The following NT5DC1 variants were observed in gnomAD, a reference collection of about 807,000 sequenced individuals.
NT5DC1 encodes the protein 5'-nucleotidase domain containing 1.
In NT5DC1, 42 loss-of-function variants were observed where a neutral mutation model predicts 59.4. The ratio of observed to expected loss-of-function variants is 0.71; its 90% CI spans 0.55 to 0.92. NT5DC1 has a LOEUF of 0.92. Among genes scored for constraint, NT5DC1 ranks in the 40% least tolerant of loss-of-function variants. The probability of loss-of-function intolerance (pLI) is 0.00; values close to 1 mark genes in which losing one functional copy is unlikely to be tolerated. For synonymous variants in NT5DC1, 172 were observed against 188.1 expected (o/e 0.91, Z 0.70); for missense variants, 501 against 537.1 (o/e 0.93, Z 0.66).
At chr6:116,125,307 G>A (rs749633212) in intron 6 of NT5DC1, 1 of 1,607,246 alleles carries the variant, frequency 6.2e-7, no homozygotes, top group Non-Finnish European at 8.5e-7. Context: ...CAAGCAACTT[G>A]TTAATAGAAC....
intron 6 of NT5DC1, among the ~76,000 whole-genome samples, chr6:116,207,561 A>G (rs1781483124): frequency 6.6e-6 from 1 of 151,918 alleles, no homozygotes; most frequent in Non-Finnish European, 1.5e-5. Flanking sequence ...ATTGTATTTT[A>G]TTATGATTAT....
intron 1 of NT5DC1, among the ~76,000 whole-genome samples, chr6:116,101,324 G>T (rs550980056): frequency 6.6e-6 from 1 of 152,148 alleles, no homozygotes; most frequent in African/African-American, 2.4e-5. Flanking sequence ...TTCTAGGGCC[G>T]AGGAGGGGCG....
intron 6 of NT5DC1, among the ~76,000 whole-genome samples, chr6:116,126,417 G>T (rs959745505): frequency 1.3e-5 from 2 of 152,016 alleles, no homozygotes; most frequent in African/African-American, 4.8e-5. Flanking sequence ...GTTCACGGTG[G>T]AATGATGATA....
At chr6:116,151,113 A>G (rs1780026992) in intron 6 of NT5DC1, among the ~76,000 whole-genome samples, 1 of 152,034 alleles carries the variant, frequency 6.6e-6, no homozygotes, top group African/African-American at 2.4e-5. Context: ...TGCAGCTCCT[A>G]ATTGCAATTT....
chr6:116,127,793 G>A (rs1188181153), intron 6 of NT5DC1, among the ~76,000 whole-genome samples: 1 of 152,124 alleles, frequency 6.6e-6, no homozygotes, highest in East Asian at 1.9e-4. Context: ...CTGATACCCT[G>A]TTAGTTATCA....
At chr6:116,176,316 C>T (rs1780733560) in intron 6 of NT5DC1, among the ~76,000 whole-genome samples, 1 of 152,152 alleles carries the variant, frequency 6.6e-6, no homozygotes. Context: ...TTGCTCTTCC[C>T]CTAGCAGAAG....
intron 8 of NT5DC1, among the ~76,000 whole-genome samples, chr6:116,230,802 A>G (rs1449624273): frequency 6.6e-6 from 1 of 152,170 alleles, no homozygotes; most frequent in Non-Finnish European, 1.5e-5. Flanking sequence ...TGTCTGCTGA[A>G]CTTTGTCAGC....
At chr6:116,109,453 A>G (rs148385401) in intron 3 of NT5DC1, among the ~76,000 whole-genome samples, 6 of 152,332 alleles carry the variant, frequency 3.9e-5, no homozygotes, top group African/African-American at 1.4e-4. Flanking sequence ...GTTCTTGGCT[A>G]TCTTCAACCA....
chr6:116,159,350 G>A (rs1780277379), intron 6 of NT5DC1, among the ~76,000 whole-genome samples: 1 of 152,088 alleles, frequency 6.6e-6, no homozygotes, highest in African/African-American at 2.4e-5. Context: ...CATTATTTCT[G>A]TTTTTTAATT....
At chr6:116,118,417 A>G (rs1201962786) in intron 6 of NT5DC1, among the ~76,000 whole-genome samples, 1 of 152,178 alleles carries the variant, frequency 6.6e-6, no homozygotes, top group Non-Finnish European at 1.5e-5. Context: ...TTCCAATCAC[A>G]GCTTTGCTTG....
intron 6 of NT5DC1, among the ~76,000 whole-genome samples, chr6:116,209,580 A>G (rs978574368): frequency 6.6e-6 from 1 of 152,022 alleles, no homozygotes; most frequent in African/African-American, 2.4e-5. Flanking sequence ...AGGGCTCCTC[A>G]TAGAAGGTAA....
Position 116,153,141 on chromosome 6 carries a change from A to AT in NT5DC1, c.529+35197dup, listed in dbSNP as rs1055744581. On this transcript the variant is annotated intron_variant, in intron 6 of 11. Coordinates refer to ENST00000319550, the MANE Select transcript of NT5DC1 (RefSeq NM_152729.3). ...TACACAAATATATGTATATACATAC[A>AT]TATTCACACATACTACAAATATACA... Among the ~76,000 whole-genome samples the AT allele has an allele frequency of 2.3e-3, 345 of 152,092 alleles. 2 individuals carry two copies. Among genetic ancestry groups the AT allele is most frequent in the African/African-American group, 8.2e-3 (339 of 41,532 alleles).
At chr6:116,227,961 A>G (rs941721880) in intron 8 of NT5DC1, among the ~76,000 whole-genome samples, 5 of 152,028 alleles carry the variant, frequency 3.3e-5, no homozygotes, top group African/African-American at 1.2e-4. Flanking sequence ...TTTTAGTATT[A>G]TGTAATCTCA....
intron 6 of NT5DC1, among the ~76,000 whole-genome samples, chr6:116,184,856 AT>A (rs916380058): frequency 2.0e-4 from 31 of 151,298 alleles, no homozygotes; most frequent in African/African-American, 6.3e-4. Context: ...ATGTTTTGTA[AT>A]TTTTTTTGTT....
intron 6 of NT5DC1, among the ~76,000 whole-genome samples, chr6:116,215,840 A>G (rs1781678804): frequency 6.6e-6 from 1 of 152,164 alleles, no homozygotes; most frequent in African/African-American, 2.4e-5. Context: ...GGACATTAAC[A>G]TCCAAAAATT....
intron 6 of NT5DC1, among the ~76,000 whole-genome samples, chr6:116,177,954 AT>A (rs918395285): frequency 9.9e-5 from 15 of 152,152 alleles, no homozygotes; most frequent in Admixed American, 1.3e-4. Flanking sequence ...GTTTCATAGT[AT>A]AAAAATACCA....
intron 6 of NT5DC1, among the ~76,000 whole-genome samples, chr6:116,155,813 C>A (rs370609446): frequency 6.7e-6 from 1 of 148,186 alleles, no homozygotes; most frequent in East Asian, 2.0e-4. Flanking sequence ...GAAACATTTC[C>A]AGGGTATATG....
At chr6:116,163,809 G>A (rs1243991698) in intron 6 of NT5DC1, among the ~76,000 whole-genome samples, 1 of 152,048 alleles carries the variant, frequency 6.6e-6, no homozygotes, top group Non-Finnish European at 1.5e-5. Context: ...TATGTTACAT[G>A]TCTATATTCA....
chr6:116,224,433 A>G (rs573987332), intron 8 of NT5DC1, among the ~76,000 whole-genome samples: 3 of 152,298 alleles, frequency 2.0e-5, no homozygotes, highest in Admixed American at 2.0e-4. Flanking sequence ...AGGGATGCTT[A>G]TGGATTGTAG....
Sources: allele counts gnomAD v4.1 joint callset (sites outside exome capture counted in the v4.1 genomes callset), GRCh38; gene constraint gnomAD v4.1.1; transcripts MANE v1.5; gene names NCBI Gene and HGNC (gene_info 2026-07-23, HGNC 2026-07-21).